Variants in SARM1 observed in about 807,000 individuals in gnomAD.
SARM1 encodes the protein NAD(+) hydrolase SARM1.
Under a neutral mutation model 65.1 loss-of-function variants are expected in SARM1, and 60 were observed. The ratio of observed to expected loss-of-function variants is 0.92; its 90% CI spans 0.75 to 1.14. The LOEUF is 1.14. Ranked by LOEUF, SARM1 falls within the 50% of genes most tolerant of loss-of-function variation. The pLI is 0.00. For synonymous variants in SARM1, 417 were observed against 465.4 expected (o/e 0.90, Z 1.34); for missense variants, 913 against 1,015.7 (o/e 0.90, Z 1.37).
In SARM1 at chr17:28,384,620, C is replaced by T. The variant is rs2068040737; in HGVS notation, c.1302+51C>T. 6.7e-7 allele frequency: 1 copy of T among 1,486,080 alleles called. No homozygotes were observed. Among genetic ancestry groups the T allele is most frequent in the South Asian group, 1.3e-5 (1 of 78,360 alleles). 92.1% of individuals were successfully genotyped at this position (1,486,080 alleles called of 1,614,324 possible). A position where few individuals can be genotyped will look rare whatever the true frequency, so the allele number is the denominator to read the frequency against. ...CCCGAGTCAGAGCGGGCGCCCTGTG[C>T]ACAGGGACTGCGTTCCCTCCCCGCC... is the stretch of plus-strand genomic sequence containing the variant. On this transcript the variant is annotated intron_variant, in intron 3 of 8. Transcript: ENST00000585482. This position sits in a 1 kb window ranked among gnomAD's most constrained non-coding sequence, Gnocchi z 4.4.
rs2068209792 is a variant in SARM1, at chr17:28,402,493, C to T, written c.*6207C>T. ...TAGTCAAGGAGGAATGGAGACTGCC[C>T]TTGTCTGGGCTTGGCCACCTGCTAG... On this transcript the variant is annotated 3_prime_UTR_variant, in exon 9 of 9. Coordinates refer to ENST00000585482, the MANE Select transcript of SARM1 (RefSeq NM_015077.4). 1 of 550,922 alleles carries T rather than the reference C, an allele frequency of 1.8e-6. No homozygotes were observed. The highest frequency in any genetic ancestry group is 3.3e-6 in the Non-Finnish European group (1 of 306,410). The allele number at this position is 550,922 out of a possible 1,614,324, so 34.1% of individuals were successfully genotyped here.
In SARM1 at chr17:28,398,168, G is replaced by A. The variant is rs1325568166; in HGVS notation, c.*1882G>A. On this transcript the variant is annotated 3_prime_UTR_variant, in exon 9 of 9. Transcript: ENST00000585482. ...ATACAGTGTCTGAGTATCTCCAGGG[G>A]ATGATTTCTGGCTCTTTGTCTCCAA... 6.6e-6 allele frequency: 1 copy of A among 152,334 alleles called. No individual in the cohort carries two copies. The highest frequency in any genetic ancestry group is 2.4e-5 in the African/African-American group (1 of 41,460). 9.4% of individuals were successfully genotyped at this position (152,334 alleles called of 1,614,324 possible). A position where few individuals can be genotyped will look rare whatever the true frequency, so the allele number is the denominator to read the frequency against.
intron 1 of SARM1, among the ~76,000 whole-genome samples, chr17:28,377,061 A>T (rs566053747): frequency 1.1e-4 from 17 of 152,330 alleles, no homozygotes; most frequent in African/African-American, 3.6e-4. Context: ...AAGTGTTGGG[A>T]TTACAGGCGT....
In SARM1 at chr17:28,378,051, TA is replaced by T. The variant is rs576184201; in HGVS notation, c.471-3151del. ...CAGTAAGGCAGGAAGCCTGAACCTCTACCAGGATGTGGCAACTCTCCCACCT... is the reference window on the plus strand; with the variant it reads ...CAGTAAGGCAGGAAGCCTGAACCTCTCCAGGATGTGGCAACTCTCCCACCT... On this transcript the variant is annotated intron_variant, in intron 1 of 8. Coordinates refer to ENST00000585482, the MANE Select transcript of SARM1 (RefSeq NM_015077.4). Among the ~76,000 whole-genome samples, 453 of 152,294 alleles carry T rather than the reference TA, an allele frequency of 3.0e-3. 3 individuals carry two copies. The highest frequency in any genetic ancestry group is 0.01 in the African/African-American group (417 of 41,572).
chr17:28,386,886 G>A (rs541603073), intron 5 of SARM1, among the ~76,000 whole-genome samples: 7 of 152,138 alleles, frequency 4.6e-5, no homozygotes, highest in East Asian at 1.9e-4. Flanking sequence ...CCACAGGTGC[G>A]CAACACCACA....
In SARM1 at chr17:28,372,255, G is replaced by A; in HGVS notation, c.223G>A (p.Ala75Thr). 7.2e-7 allele frequency: 1 copy of A among 1,394,768 alleles called. No individual in the cohort carries two copies. The highest frequency in any genetic ancestry group is 9.2e-7 in the Non-Finnish European group (1 of 1,085,156). 86.4% of individuals were successfully genotyped at this position (1,394,768 alleles called of 1,614,324 possible). The change falls in exon 1 of 9, where the codon GCC (alanine) becomes ACC (threonine). Residue 75 changes from alanine to threonine, a missense_variant. By Grantham distance (58) the Ala-to-Thr change is moderately conservative (BLOSUM62 0). Transcript: ENST00000585482. The surrounding 1 kb of genome is among the most constrained non-coding windows in gnomAD (Gnocchi z 5.2). ...GCGCGCGCTGCCGGAGCTGCAGCAG[G>A]CCTTGTCCGCGCTGAAGCAGGCGGG... is the stretch of plus-strand genomic sequence containing the variant. ...LERALPELQQALSALKQAGGA... is the reference protein window; with the variant it reads ...LERALPELQQTLSALKQAGGA...
At chr17:28,380,546 C>G (rs1005294984) in intron 1 of SARM1, among the ~76,000 whole-genome samples, 1 of 152,220 alleles carries the variant, frequency 6.6e-6, no homozygotes, top group Admixed American at 6.5e-5. Flanking sequence ...TCTGGCCAGT[C>G]TCTGTTAAAC....
Position 28,400,439 on chromosome 17 carries a change from T to C in SARM1, c.*4153T>C, listed in dbSNP as rs1194758330. The C allele has an allele frequency of 2.6e-6, 2 of 783,974 alleles. No homozygotes were observed. The highest frequency in any genetic ancestry group is 5.5e-5 in the East Asian group (2 of 36,552). The allele number at this position is 783,974 out of a possible 1,614,324, so 48.6% of individuals were successfully genotyped here. On this transcript the variant is annotated 3_prime_UTR_variant, in exon 9 of 9. Transcript: ENST00000585482. The stretch of plus-strand genomic sequence containing the variant: ...AGCTCGCCATCTCGCCCTTGGAAAA[T>C]GGCTCCTGGAGGATTAGGCAGCCAT...
At position 28,372,597 on chromosome 17, in the gene SARM1, C is replaced by T. The variant is rs1287167016; in HGVS notation, c.470+95C>T. The T allele has an allele frequency of 1.7e-5, 16 of 924,972 alleles. No individual in the cohort carries two copies. Among genetic ancestry groups the T allele is most frequent in the Non-Finnish European group, 2.5e-5 (16 of 640,876 alleles). 57.3% of individuals were successfully genotyped at this position (924,972 alleles called of 1,614,324 possible). On this transcript the variant is annotated intron_variant, in intron 1 of 8. Coordinates refer to ENST00000585482, the MANE Select transcript of SARM1 (RefSeq NM_015077.4). The surrounding 1 kb of genome is among the most constrained non-coding windows in gnomAD (Gnocchi z 5.2). ...TGCCTTGCGCCGTGCCTTTGCCTCC[C>T]TCACCTCTCTGACTGCCTGCACTAC...
Position 28,396,500 on chromosome 17 carries a change from G to T in SARM1, c.*214G>T. Reference sequence around the variant, plus strand: ...AGGGAAGTCAGGCTTGGGCACGGGAGGTTAGAACTCCCCCAGGCCCTGCCA... The same window carrying T: ...AGGGAAGTCAGGCTTGGGCACGGGATGTTAGAACTCCCCCAGGCCCTGCCA... On this transcript the variant is annotated 3_prime_UTR_variant, in exon 9 of 9. Transcript: ENST00000585482. 1.7e-6 allele frequency: 1 copy of T among 595,364 alleles called. No homozygotes were observed. The highest frequency in any genetic ancestry group is 2.1e-5 in the South Asian group (1 of 48,194). The allele number at this position is 595,364 out of a possible 1,614,324, so 36.9% of individuals were successfully genotyped here. A position where few individuals can be genotyped will look rare whatever the true frequency, so the allele number is the denominator to read the frequency against.
intron 1 of SARM1, among the ~76,000 whole-genome samples, chr17:28,378,575 T>C (rs1478381136): frequency 6.6e-6 from 1 of 152,252 alleles, no homozygotes; most frequent in African/African-American, 2.4e-5. Flanking sequence ...TATAGCACAT[T>C]CTATTTCTTA....
chr17:28,382,225 T>C (rs2068028658), intron 2 of SARM1, among the ~76,000 whole-genome samples: 1 of 152,154 alleles, frequency 6.6e-6, no homozygotes, highest in African/African-American at 2.4e-5. Context: ...GAGATGGAGT[T>C]AGCACTTGGT....
chr17:28,400,566 A>G lies in SARM1; in HGVS notation c.*4280A>G, dbSNP rs782259423. 2 of 1,607,672 alleles carry G rather than the reference A, an allele frequency of 1.2e-6. No individual in the cohort carries two copies. Among genetic ancestry groups the G allele is most frequent in the South Asian group, 2.2e-5 (2 of 90,234 alleles). ...GGGAGGAGAAGAGGAAACTTTTAAG[A>G]GAAAGGGCTCCATTATGAGCATGGG... is the stretch of plus-strand genomic sequence containing the variant. On this transcript the variant is annotated 3_prime_UTR_variant, in exon 9 of 9. Coordinates refer to ENST00000585482, the MANE Select transcript of SARM1 (RefSeq NM_015077.4).
rs1555589805 is a variant in SARM1, at chr17:28,402,352, TG to T, written c.*6070del. On this transcript the variant is annotated 3_prime_UTR_variant, in exon 9 of 9. Coordinates refer to ENST00000585482, the MANE Select transcript of SARM1 (RefSeq NM_015077.4). ...GAGAAACAAACACTCATCAGGAAAA[TG>T]GGGCTGGGGAGAGGGGCGTCCAAGG... 1 of 1,593,750 alleles carries T rather than the reference TG, an allele frequency of 6.3e-7. No individual in the cohort carries two copies. The highest frequency in any genetic ancestry group is 1.1e-5 in the South Asian group (1 of 89,050).
chr17:28,391,707 CAAA>C (rs1206857097), intron 7 of SARM1, among the ~76,000 whole-genome samples: 1 of 56,802 alleles, frequency 1.8e-5, no homozygotes, highest in Non-Finnish European at 3.6e-5. Flanking sequence ...GCAATTGCAC[CAAA>C]AAAAAAAAAA....
chr17:28,396,540 T>A lies in SARM1; in HGVS notation c.*254T>A, dbSNP rs998027576. The A allele has an allele frequency of 3.7e-6, 2 of 535,374 alleles. No individual in the cohort carries two copies. The highest frequency in any genetic ancestry group is 6.7e-6 in the Non-Finnish European group (2 of 297,854). 33.2% of individuals were successfully genotyped at this position (535,374 alleles called of 1,614,324 possible). ...AGGCCCTGCCATTGGGTTGTCTGTC[T>A]CCGTCATGGGGAGGGTCCCTGCTCA... On this transcript the variant is annotated 3_prime_UTR_variant, in exon 9 of 9. Transcript: ENST00000585482.
At chr17:28,387,360 G>A (rs1480514349) in intron 5 of SARM1, among the ~76,000 whole-genome samples, 1 of 151,872 alleles carries the variant, frequency 6.6e-6, no homozygotes, top group Non-Finnish European at 1.5e-5. Flanking sequence ...AGCCTCCCAA[G>A]TAGCTAGATT....
At chr17:28,375,203 T>C (rs2067982081) in intron 1 of SARM1, among the ~76,000 whole-genome samples, 1 of 152,100 alleles carries the variant, frequency 6.6e-6, no homozygotes, top group South Asian at 2.1e-4. Context: ...ATATTCACAG[T>C]CCACCCCCTT....
intron 7 of SARM1, 47 bp downstream of exon 7, chr17:28,388,586 C>A: frequency 6.3e-7 from 1 of 1,577,186 alleles, no homozygotes; most frequent in South Asian, 1.1e-5. Context: ...GGCCTGTGGT[C>A]CAGAAGATAG....
Sources: gnomAD v4.1 joint callset for allele counts (sites outside exome capture counted in the v4.1 genomes callset) on GRCh38, gnomAD v4.1.1 for gene constraint, Gnocchi (gnomAD v3.1) non-coding constraint, MANE v1.5 for transcripts, NCBI Gene and HGNC (gene_info 2026-07-23, HGNC 2026-07-21) for gene names.